EYS: variants seen among roughly 807,000 people sequenced by gnomAD.
EYS encodes EGF-like photoreceptor maintenance factor.
Under a neutral mutation model 282.1 loss-of-function variants are expected in EYS, and 250 were observed. That is an observed-to-expected ratio of 0.89 (90% CI 0.80 to 0.98). The LOEUF (loss-of-function observed/expected upper bound fraction) is 0.98, where lower values mean the gene tolerates loss of function less well. EYS is among the 50% of genes least tolerant of loss of function. The pLI, the probability that EYS is intolerant of heterozygous loss-of-function variation, is 0.00. For missense variants in EYS, 4,016 were observed against 3,709.0 expected (o/e 1.08, Z -2.15); for synonymous variants, 1,355 against 1,282.9 (o/e 1.06, Z -1.20).
chr6:64,957,880 T>A (rs1769764845), intron 14 of EYS, among the ~76,000 whole-genome samples: 2 of 152,324 alleles, frequency 1.3e-5, no homozygotes, highest in South Asian at 4.1e-4. Flanking sequence ...TTATTGTTTT[T>A]AAATATTTTC....
chr6:65,414,854 G>A (rs537874038), intron 5 of EYS, among the ~76,000 whole-genome samples: 3 of 152,118 alleles, frequency 2.0e-5, no homozygotes, highest in Non-Finnish European at 2.9e-5. Context: ...GGAAAAAATG[G>A]AGAGAGAGAT....
chr6:64,718,452 A>AT (rs989600692), intron 22 of EYS, among the ~76,000 whole-genome samples: 11 of 152,212 alleles, frequency 7.2e-5, no homozygotes, highest in East Asian at 1.9e-4. Context: ...TATTTCATGT[A>AT]TTTTTTTACA....
intron 12 of EYS, among the ~76,000 whole-genome samples, chr6:65,294,142 A>T (rs1365228188): frequency 6.6e-6 from 1 of 151,792 alleles, no homozygotes; most frequent in African/African-American, 2.4e-5. Flanking sequence ...TAACAGAAGG[A>T]ACCAGATAGA....
chr6:65,266,944 AT>A (rs1180005944), intron 12 of EYS, among the ~76,000 whole-genome samples: 2 of 148,056 alleles, frequency 1.4e-5, no homozygotes, highest in African/African-American at 5.0e-5. Context: ...ACATTGATAT[AT>A]ATATATATAT....
chr6:64,714,217 G>C (rs534445455), intron 22 of EYS, among the ~76,000 whole-genome samples: 19 of 152,256 alleles, frequency 1.2e-4, no homozygotes, highest in African/African-American at 4.3e-4. Context: ...GGATGAGGGA[G>C]TACACAAAGA....
intron 35 of EYS, among the ~76,000 whole-genome samples, chr6:63,923,879 C>A (rs758326359): frequency 3.3e-4 from 50 of 152,112 alleles, no homozygotes; most frequent in Non-Finnish European, 6.6e-4. Context: ...TAAGCCTAAC[C>A]TTTACTCTCC....
In EYS at chr6:64,858,345, G is replaced by A. The variant is rs117894329; in HGVS notation, c.2992+28352C>T. 1.9e-3 allele frequency among the ~76,000 whole-genome samples: 290 copies of A among 152,092 alleles called. 3 individuals carry two copies. The highest frequency in any genetic ancestry group is 0.017 in the East Asian group (88 of 5,172). On this transcript the variant is annotated intron_variant, in intron 19 of 42. Transcript: ENST00000503581. ...CCAGTTTTTCCAGCATCACTGATTGGGGAGACTATCCTTTCTCTATTGTGT... is the reference window on the plus strand; with the variant it reads ...CCAGTTTTTCCAGCATCACTGATTGAGGAGACTATCCTTTCTCTATTGTGT...
At chr6:64,520,404 A>T (rs935495232) in intron 26 of EYS, among the ~76,000 whole-genome samples, 1 of 151,806 alleles carries the variant, frequency 6.6e-6, no homozygotes, top group African/African-American at 2.4e-5. Context: ...GCCAGAGATC[A>T]GGTAACACTA....
chr6:65,650,591 C>T (rs560866305), intron 1 of EYS, among the ~76,000 whole-genome samples: 1 of 152,198 alleles, frequency 6.6e-6, no homozygotes, highest in Non-Finnish European at 1.5e-5. Flanking sequence ...CGATCATTGA[C>T]ATCAAAGGCA....
chr6:64,449,975 C>T (rs937210764), intron 26 of EYS, among the ~76,000 whole-genome samples: 12 of 152,096 alleles, frequency 7.9e-5, no homozygotes, highest in Non-Finnish European at 1.5e-4. Flanking sequence ...CAGCTAACAT[C>T]ATAATGACAG....
chr6:65,701,244 C>T (rs1014875756), intron 1 of EYS, among the ~76,000 whole-genome samples: 1 of 152,142 alleles, frequency 6.6e-6, no homozygotes, highest in Admixed American at 6.5e-5. Context: ...ATTGTGGCAA[C>T]AGGCTACCTA....
At chr6:65,615,887 T>C (rs1766178538) in intron 2 of EYS, among the ~76,000 whole-genome samples, 1 of 149,390 alleles carries the variant, frequency 6.7e-6, no homozygotes, top group Non-Finnish European at 1.5e-5. Context: ...TGAGCTGAGA[T>C]CGCACCACTG....
At chr6:64,973,734 C>A (rs907603702) in intron 14 of EYS, among the ~76,000 whole-genome samples, 7 of 151,862 alleles carry the variant, frequency 4.6e-5, no homozygotes, top group Non-Finnish European at 1.0e-4. Flanking sequence ...GTGTAAACTG[C>A]AGTATAATTG....
Position 65,412,790 on chromosome 6 carries a change from C to T in EYS, c.863-7423G>A, listed in dbSNP as rs1767071570. On this transcript the variant is annotated intron_variant, in intron 5 of 42. Transcript: ENST00000503581. Reference sequence around the variant, plus strand: ...ATCACTTGTCTTTTAATCTTCTTAACATGGTATTTCTAGAAAAAAATAGTT... The same window carrying T: ...ATCACTTGTCTTTTAATCTTCTTAATATGGTATTTCTAGAAAAAAATAGTT... Among the ~76,000 whole-genome samples the T allele has an allele frequency of 2.6e-5, 4 of 152,056 alleles. No homozygotes were observed. In the South Asian group the frequency reaches 8.3e-4, roughly 31 times the overall value.
At chr6:64,319,790 T>G (rs1191220399) in intron 29 of EYS, among the ~76,000 whole-genome samples, 1 of 151,872 alleles carries the variant, frequency 6.6e-6, no homozygotes, top group Non-Finnish European at 1.5e-5. Flanking sequence ...ACAGAGAATA[T>G]TCCAGTTAAG....
Position 64,981,005 on chromosome 6 carries a change from C to A in EYS, c.2259+16577G>T, listed in dbSNP as rs543295357. On this transcript the variant is annotated intron_variant, in intron 14 of 42. Coordinates refer to ENST00000503581, the MANE Select transcript of EYS (RefSeq NM_001142800.2). The stretch of plus-strand genomic sequence containing the variant: ...AAAACTGAGGCCCAGATTTAAGTCG[C>A]TGTAATTCAATCATAAAATTCACTT... 2.6e-5 allele frequency among the ~76,000 whole-genome samples: 4 copies of A among 151,278 alleles called. No homozygotes were observed. In the Admixed American group the frequency reaches 2.6e-4, roughly 10 times the overall value.
At chr6:65,556,137 TA>T (rs1224588924) in intron 2 of EYS, among the ~76,000 whole-genome samples, 2 of 152,154 alleles carry the variant, frequency 1.3e-5, no homozygotes, top group African/African-American at 4.8e-5. Context: ...AATACTGTTT[TA>T]GGGGGTCATT....
At chr6:64,455,491 T>C (rs1325396784) in intron 26 of EYS, among the ~76,000 whole-genome samples, 1 of 152,138 alleles carries the variant, frequency 6.6e-6, no homozygotes, top group African/African-American at 2.4e-5. Flanking sequence ...AACATGCAGG[T>C]ATGTTACATA....
At chr6:64,934,379 A>T (rs10944772) in intron 15 of EYS, among the ~76,000 whole-genome samples, 61,292 of 151,602 alleles carry the variant, frequency 0.4, 12,738 homozygotes, top group East Asian at 0.53. Flanking sequence ...CTTTCTGAAT[A>T]TTATGAACAA....
Sources: allele counts gnomAD v4.1 joint callset (sites outside exome capture counted in the v4.1 genomes callset), GRCh38; gene constraint gnomAD v4.1.1; transcripts MANE v1.5; gene names NCBI Gene and HGNC (gene_info 2026-07-23, HGNC 2026-07-21).